The following DOCK2 variants were observed in gnomAD, a reference collection of about 807,000 sequenced individuals.
DOCK2 encodes the protein dedicator of cytokinesis protein 2.
A neutral mutation model predicts 248.9 loss-of-function variants in DOCK2; 87 were observed. That is an observed-to-expected ratio of 0.35 (90% CI 0.29 to 0.42). The LOEUF is 0.42. Ranked by LOEUF, DOCK2 falls within the 10% of genes least tolerant of loss-of-function variation. DOCK2 has a pLI of 1.00. For missense variants in DOCK2, 1,747 were observed against 2,300.2 expected, an observed-to-expected ratio of 0.76 and a Z score of 4.92; for synonymous variants, 805 against 821.6, an observed-to-expected ratio of 0.98 and a Z score of 0.35.
intron 44 of DOCK2, among the ~76,000 whole-genome samples, chr5:170,065,508 G>A (rs55996409): frequency 0.053 from 8,088 of 152,154 alleles, 702 homozygotes; most frequent in African/African-American, 0.18. Context: ...ATATTAGTCC[G>A]TTTTCACATT....
chr5:169,858,013 C>G (rs529833395), intron 27 of DOCK2, among the ~76,000 whole-genome samples: 1 of 152,222 alleles, frequency 6.6e-6, no homozygotes, highest in South Asian at 2.1e-4. Context: ...TACCATATAT[C>G]ATTCAGGACT....
chr5:170,017,919 TA>T (rs5873202), intron 32 of DOCK2, among the ~76,000 whole-genome samples: 5,224 of 152,322 alleles, frequency 0.034, 173 homozygotes, highest in African/African-American at 0.092. Context: ...TTTGCATTTT[TA>T]TGAGACATAT....
At chr5:169,833,632 AAAG>A (rs1480303673) in intron 26 of DOCK2, among the ~76,000 whole-genome samples, 1 of 152,192 alleles carries the variant, frequency 6.6e-6, no homozygotes, top group Non-Finnish European at 1.5e-5. Context: ...TGTATTCAAT[AAAG>A]AAGAAAAAAA....
intron 27 of DOCK2, chr5:169,841,407 G>A (rs1769965747): frequency 1.0e-6 from 1 of 987,162 alleles, no homozygotes. Context: ...ACAGAACCCA[G>A]CTCGAACCCT....
intron 27 of DOCK2, among the ~76,000 whole-genome samples, chr5:169,968,273 T>A (rs1777374040): frequency 6.6e-6 from 1 of 152,220 alleles, no homozygotes; most frequent in African/African-American, 2.4e-5. Context: ...CTGGGATAGC[T>A]GAGAAGACCT....
chr5:169,670,958 T>G (rs1759021201), intron 4 of DOCK2, 120 bp from the exon 5 acceptor site: 2 of 743,336 alleles, frequency 2.7e-6, no homozygotes, highest in Admixed American at 4.9e-5. Flanking sequence ...ATTGGAGGTG[T>G]TTTAGTCTAA....
chr5:169,712,920 G>C (rs1319317368), intron 17 of DOCK2, among the ~76,000 whole-genome samples: 2 of 152,244 alleles, frequency 1.3e-5, no homozygotes, highest in Non-Finnish European at 2.9e-5. Context: ...ACTAGCACCT[G>C]GCTGGAGGCA....
Position 169,807,833 on chromosome 5 carries a change from C to CAAAAAAAAAAAAAAAAAAAAAAAAAAAA in DOCK2, c.2703+4653_2703+4654insAAAAAAAAAAAAAAAAAAAAAAAAAAAA, listed in dbSNP as rs61670398. Among the ~76,000 whole-genome samples the CAAAAAAAAAAAAAAAAAAAAAAAAAAAA allele has an allele frequency of 5.4e-4, 13 of 24,228 alleles. 2 individuals carry two copies. Among genetic ancestry groups the CAAAAAAAAAAAAAAAAAAAAAAAAAAAA allele is most frequent in the Non-Finnish European group, 1.0e-3 (9 of 8,604 alleles). 15.9% of individuals were successfully genotyped at this position (24,228 alleles called of 152,430 possible). A position where few individuals can be genotyped will look rare whatever the true frequency, so the allele number is the denominator to read the frequency against. On this transcript the variant is annotated intron_variant, in intron 26 of 51. Coordinates refer to ENST00000520908, the MANE Select transcript of DOCK2 (RefSeq NM_004946.3). ...TGGGAGACAGAGCAAGACTCTGTCT[C>CAAAAAAAAAAAAAAAAAAAAAAAAAAAA]AAAAAAAAAAAAAAAAAAAAAAAAA...
chr5:169,972,590 A>AGATAGAT (rs1561859832), intron 27 of DOCK2, among the ~76,000 whole-genome samples: 121 of 116,320 alleles, frequency 1.0e-3, no homozygotes, highest in Non-Finnish European at 1.4e-3. Flanking sequence ...GATAGATGAT[A>AGATAGAT]GATAGATAGA....
Position 169,718,754 on chromosome 5 carries a change from T to C in DOCK2, c.2230T>C (p.Phe744Leu). Residue 744 changes from phenylalanine to leucine, a missense_variant, in exon 22 of 52, where the codon TTC becomes CTC. By Grantham distance (22) the Phe-to-Leu change is conservative. Around this residue, in one of 4 missense-constraint regions of DOCK2, gnomAD observed 858 missense variants for 1,183.5 expected, o/e 0.72. Coordinates refer to ENST00000520908, the MANE Select transcript of DOCK2 (RefSeq NM_004946.3). Reference sequence around the variant, plus strand: ...AACGCTGAAGGCTTTGGAATATGTGTTCAAGTTCATTGTTCGGTCGAGGAC... The same window carrying C: ...AACGCTGAAGGCTTTGGAATATGTGCTCAAGTTCATTGTTCGGTCGAGGAC... The part of the protein sequence containing the change: ...LRTLKALEYV[F>L]KFIVRSRTLF... 1 of 1,613,896 alleles carries C rather than the reference T, an allele frequency of 6.2e-7. No homozygotes were observed.
intron 6 of DOCK2, among the ~76,000 whole-genome samples, chr5:169,676,491 G>A (rs1436398561): frequency 2.6e-5 from 4 of 152,170 alleles, no homozygotes; most frequent in Non-Finnish European, 1.5e-5. Context: ...GGGATGCTCC[G>A]TGGCACAGAC....
intron 30 of DOCK2, among the ~76,000 whole-genome samples, chr5:170,005,938 T>C (rs1755019375): frequency 6.6e-6 from 1 of 152,216 alleles, no homozygotes; most frequent in Non-Finnish European, 1.5e-5. Flanking sequence ...ATTTCCCATG[T>C]ACCTTAATTA....
chr5:170,051,509 T>C (rs1756914875), intron 41 of DOCK2, among the ~76,000 whole-genome samples: 1 of 152,220 alleles, frequency 6.6e-6, no homozygotes, highest in African/African-American at 2.4e-5. Flanking sequence ...TGGCGTCACC[T>C]TCTGGAAGAG....
intron 27 of DOCK2, among the ~76,000 whole-genome samples, chr5:169,978,192 A>G (rs1255724645): frequency 1.3e-5 from 2 of 152,126 alleles, no homozygotes; most frequent in Non-Finnish European, 2.9e-5. Context: ...AAGCTTCCGA[A>G]GTTGGCTGTT....
rs773407433 is a variant in DOCK2, at chr5:170,047,507, T to C, written c.3967-3T>C. The C allele has an allele frequency of 2.5e-6, 4 of 1,613,508 alleles. No individual in the cohort carries two copies. The highest frequency in any genetic ancestry group is 3.4e-6 in the Non-Finnish European group (4 of 1,179,686). Reference sequence around the variant, plus strand: ...TGCAACAAACCTTGTTTTCTTCCTTTAGATCCAGCAGGCAAAATTCTATGA... The same window carrying C: ...TGCAACAAACCTTGTTTTCTTCCTTCAGATCCAGCAGGCAAAATTCTATGA... On this transcript the variant is annotated splice_region_variant and splice_polypyrimidine_tract_variant and intron_variant, in intron 39 of 51. Transcript: ENST00000520908.
intron 23 of DOCK2, among the ~76,000 whole-genome samples, chr5:169,759,464 T>C (rs1764360061): frequency 6.6e-6 from 1 of 152,226 alleles, no homozygotes; most frequent in Non-Finnish European, 1.5e-5. Context: ...AACTACAAGG[T>C]CTGTGGTCAT....
intron 27 of DOCK2, among the ~76,000 whole-genome samples, chr5:169,936,188 G>T (rs944936603): frequency 3.3e-5 from 5 of 152,186 alleles, no homozygotes; most frequent in Non-Finnish European, 7.4e-5. Flanking sequence ...ACTACACACA[G>T]AATTAATCCA....
intron 7 of DOCK2, among the ~76,000 whole-genome samples, chr5:169,682,384 G>A (rs1222459984): frequency 6.6e-6 from 1 of 152,266 alleles, no homozygotes; most frequent in African/African-American, 2.4e-5. Context: ...CAAAGGCCCT[G>A]AGGTAGGACT....
rs201320169 is a variant in DOCK2 at position 170,067,553 on chromosome 5, C to T, written c.4511C>T (p.Thr1504Met). 1.7e-5 allele frequency: 28 copies of T among 1,614,114 alleles called. No individual in the cohort carries two copies. The highest frequency in any genetic ancestry group is 4.5e-5 in the East Asian group (2 of 44,882). ...PLENAIETMSTANEKILMMIN... is the reference protein window; with the variant it reads ...PLENAIETMSMANEKILMMIN... ...GAGAATGCCATAGAAACCATGTCCA[C>T]GGCCAATGAGAAGATCCTGATGATG... The change falls in exon 45 of 52, where the codon ACG becomes ATG. Residue 1504 changes from threonine (T) to methionine (M), a missense_variant. This residue lies in a region of DOCK2 where 513 missense variants were observed against 586.1 expected (regional missense o/e 0.88). Transcript: ENST00000520908.
Sources: allele counts gnomAD v4.1 joint callset (sites outside exome capture counted in the v4.1 genomes callset), GRCh38; gene constraint gnomAD v4.1.1; regional missense constraint gnomAD v4.1.1; transcripts MANE v1.5; gene names NCBI Gene and HGNC (gene_info 2026-07-23, HGNC 2026-07-21).